Variants in VWA8 observed in about 807,000 individuals in gnomAD.
VWA8 encodes von Willebrand factor A domain-containing protein 8.
Under a neutral mutation model 241.5 loss-of-function variants are expected in VWA8, and 221 were observed. That is an observed-to-expected ratio of 0.91 (90% CI 0.82 to 1.02). The LOEUF (loss-of-function observed/expected upper bound fraction) is 1.02, where lower values mean the gene tolerates loss of function less well. Ranked by LOEUF, VWA8 falls within the 50% of genes least tolerant of loss-of-function variation. The pLI is 0.00. For synonymous variants in VWA8, 852 were observed against 827.1 expected (o/e 1.03, Z -0.52); for missense variants, 2,322 against 2,328.7 (o/e 1.00, Z 0.06).
At chr13:41,815,054 G>A (rs1870630579) in intron 16 of VWA8, among the ~76,000 whole-genome samples, 1 of 152,146 alleles carries the variant, frequency 6.6e-6, no homozygotes. Flanking sequence ...CACAGAAAAG[G>A]TGACCACCTG....
chr13:41,936,619 G>A (rs1238317601), intron 2 of VWA8, among the ~76,000 whole-genome samples: 1 of 152,118 alleles, frequency 6.6e-6, no homozygotes, highest in Non-Finnish European at 1.5e-5. Flanking sequence ...GAGGGCATTG[G>A]GGAGATGTTG....
intron 40 of VWA8, among the ~76,000 whole-genome samples, chr13:41,599,633 T>C (rs1333221049): frequency 6.6e-6 from 1 of 152,158 alleles, no homozygotes; most frequent in African/African-American, 2.4e-5. Context: ...TAGTTTCTAC[T>C]AGAATTCTTC....
rs566193551 is a variant in VWA8 at position 41,922,936 on chromosome 13, T to A, written c.242-10768A>T. ...TTGACCCAGCCATCCCATTACTGGG[T>A]ATATACCCAAAGGATTACAAATCAT... On this transcript the variant is annotated intron_variant, in intron 2 of 44. Transcript: ENST00000379310. 1.1e-4 allele frequency among the ~76,000 whole-genome samples: 16 copies of A among 152,346 alleles called. No homozygotes were observed. The South Asian group carries it at 2.9e-3, about 28-fold the overall frequency.
intron 21 of VWA8, among the ~76,000 whole-genome samples, chr13:41,756,347 G>A (rs1274666387): frequency 6.6e-6 from 1 of 151,408 alleles, no homozygotes; most frequent in Non-Finnish European, 1.5e-5. Flanking sequence ...CTTTTTCGCT[G>A]GTTATGACCA....
At chr13:41,907,800 G>T in intron 3 of VWA8, 104 bp from the exon 4 acceptor site, 1 of 911,488 alleles carries the variant, frequency 1.1e-6, no homozygotes, top group Non-Finnish European at 1.7e-6. Context: ...GAAGTGCATT[G>T]TTAAACCTAA....
At chr13:41,691,672 T>C (rs1408483359) in intron 31 of VWA8, among the ~76,000 whole-genome samples, 1 of 152,156 alleles carries the variant, frequency 6.6e-6, no homozygotes, top group Non-Finnish European at 1.5e-5. Context: ...GCCATGTTAG[T>C]AGTGGCTATG....
chr13:41,878,097 A>G (rs909472205), intron 9 of VWA8, among the ~76,000 whole-genome samples: 1 of 152,140 alleles, frequency 6.6e-6, no homozygotes, highest in African/African-American at 2.4e-5. Flanking sequence ...GCAACTATAC[A>G]TTAATTTCTA....
chr13:41,691,695 G>C (rs1164506689), intron 31 of VWA8, among the ~76,000 whole-genome samples, 179 bp downstream of exon 31: 2 of 152,082 alleles, frequency 1.3e-5, no homozygotes, highest in African/African-American at 4.8e-5. Context: ...ATGGAATTGT[G>C]AGCACTAGCT....
intron 37 of VWA8, among the ~76,000 whole-genome samples, chr13:41,618,651 A>T (rs959138987): frequency 2.0e-5 from 3 of 152,154 alleles, no homozygotes; most frequent in African/African-American, 7.2e-5. Flanking sequence ...TAATTTTTGT[A>T]TAAGGTGTAA....
intron 1 of VWA8, among the ~76,000 whole-genome samples, chr13:41,955,080 A>G (rs1878295263): frequency 6.6e-6 from 1 of 152,100 alleles, no homozygotes; most frequent in Non-Finnish European, 1.5e-5. Flanking sequence ...ATAATTTTAA[A>G]TTTTTTCTTA....
At chr13:41,888,594 C>CA (rs1874661939) in intron 5 of VWA8, among the ~76,000 whole-genome samples, 1 of 152,140 alleles carries the variant, frequency 6.6e-6, no homozygotes, top group African/African-American at 2.4e-5. Flanking sequence ...AAGCTCAGCA[C>CA]AAAAAACATC....
intron 22 of VWA8, among the ~76,000 whole-genome samples, chr13:41,730,838 C>T (rs547297865): frequency 9.9e-5 from 15 of 151,926 alleles, no homozygotes; most frequent in Admixed American, 6.6e-5. Flanking sequence ...GGCATTCCTT[C>T]TACCACAATT....
At chr13:41,571,328 G>A (rs1045936853) in intron 43 of VWA8, among the ~76,000 whole-genome samples, 3 of 98,462 alleles carry the variant, frequency 3.0e-5, no homozygotes, top group Non-Finnish European at 5.9e-5. Flanking sequence ...TCCCTCTCCC[G>A]TCTCCCTCTC....
intron 13 of VWA8, among the ~76,000 whole-genome samples, chr13:41,831,909 T>G (rs975361817): frequency 6.6e-6 from 1 of 151,356 alleles, no homozygotes; most frequent in African/African-American, 2.4e-5. Flanking sequence ...TGTGAGCTAC[T>G]GCACCTGGCC....
intron 17 of VWA8, among the ~76,000 whole-genome samples, chr13:41,808,577 G>C (rs1870326661): frequency 6.6e-6 from 1 of 152,040 alleles, no homozygotes; most frequent in Non-Finnish European, 1.5e-5. Flanking sequence ...TCTCCCACCA[G>C]GCCCCACCTC....
chr13:41,937,204 C>T (rs1877391209), intron 2 of VWA8, among the ~76,000 whole-genome samples: 1 of 152,116 alleles, frequency 6.6e-6, no homozygotes, highest in East Asian at 1.9e-4. Context: ...TTTCCACAGA[C>T]TGGGGGGAGG....
At chr13:41,758,429 T>TATATATATAC (rs1371695490) in intron 21 of VWA8, among the ~76,000 whole-genome samples, 1 of 101,490 alleles carries the variant, frequency 9.9e-6, no homozygotes. Context: ...TATATATATA[T>TATATATATAC]ACGCTAGTAT....
At chr13:41,949,863 T>C (rs1337611855) in intron 2 of VWA8, 73 bp downstream of exon 2, 1 of 929,748 alleles carries the variant, frequency 1.1e-6, no homozygotes, top group Middle Eastern at 3.4e-4. Context: ...CTCTCTAGCT[T>C]TAAATAACTT....
chr13:41,932,040 A>G (rs1337915166), intron 2 of VWA8, among the ~76,000 whole-genome samples: 1 of 152,178 alleles, frequency 6.6e-6, no homozygotes, highest in South Asian at 2.1e-4. Context: ...GAGACTAACA[A>G]TAAAATTGAC....
Sources: allele counts gnomAD v4.1 joint callset (sites outside exome capture counted in the v4.1 genomes callset), GRCh38; gene constraint gnomAD v4.1.1; transcripts MANE v1.5; gene names NCBI Gene and HGNC (gene_info 2026-07-23, HGNC 2026-07-21).